ELMO1: variants seen among roughly 807,000 people sequenced by gnomAD.
ELMO1 encodes the protein engulfment and cell motility 1, also known as engulfment and cell motility protein 1.
A neutral mutation model predicts 98.9 loss-of-function variants in ELMO1; 26 were observed. The ratio of observed to expected loss-of-function variants is 0.26; its 90% CI spans 0.19 to 0.36. The LOEUF is 0.36. Ranked by LOEUF, ELMO1 falls within the 10% of genes least tolerant of loss-of-function variation. The pLI, the probability that ELMO1 is intolerant of heterozygous loss-of-function variation, is 1.00. For missense variants in ELMO1, 627 were observed against 935.2 expected (o/e 0.67, Z 4.30); for synonymous variants, 346 against 346.0 (o/e 1.00, Z 0.00).
intron 2 of ELMO1, among the ~76,000 whole-genome samples, chr7:37,317,213 C>T (rs1223683080): frequency 6.6e-6 from 1 of 152,164 alleles, no homozygotes; most frequent in East Asian, 1.9e-4. Flanking sequence ...TTTGTATAGT[C>T]CTCTCCAAGG....
chr7:36,984,653 A>T lies in ELMO1; in HGVS notation c.1437+28646T>A, dbSNP rs1791365520. ...CAACCAATAAGATTTCTCTTGTTTGACTATTTCATGTGCATTTCTTCATAA... is the reference window on the plus strand; with the variant it reads ...CAACCAATAAGATTTCTCTTGTTTGTCTATTTCATGTGCATTTCTTCATAA... On this transcript the variant is annotated intron_variant, in intron 16 of 21. Coordinates refer to ENST00000310758, the MANE Select transcript of ELMO1 (RefSeq NM_014800.11). 2.0e-5 allele frequency among the ~76,000 whole-genome samples: 3 copies of T among 152,328 alleles called. No homozygotes were observed. The East Asian group carries it at 5.8e-4, about 29-fold the overall frequency.
intron 16 of ELMO1, among the ~76,000 whole-genome samples, chr7:36,984,140 A>C (rs1791315504): frequency 6.6e-6 from 1 of 152,168 alleles, no homozygotes; most frequent in Admixed American, 6.5e-5. Flanking sequence ...CACTTAATGC[A>C]CATCCTCTAG....
At chr7:37,141,092 A>G (rs555320323) in intron 13 of ELMO1, among the ~76,000 whole-genome samples, 2 of 152,360 alleles carry the variant, frequency 1.3e-5, no homozygotes, top group Non-Finnish European at 2.9e-5. Flanking sequence ...ACATGTATAC[A>G]GCAGTACAAT....
At chr7:36,981,521 T>C (rs1394816525) in intron 16 of ELMO1, among the ~76,000 whole-genome samples, 1 of 152,184 alleles carries the variant, frequency 6.6e-6, no homozygotes, top group Non-Finnish European at 1.5e-5. Flanking sequence ...AATCACTCCT[T>C]AGCCTGAATT....
At chr7:37,007,242 G>A (rs1035537124) in intron 16 of ELMO1, among the ~76,000 whole-genome samples, 2 of 152,122 alleles carry the variant, frequency 1.3e-5, no homozygotes, top group Admixed American at 1.3e-4. Flanking sequence ...CTCAGTGTAG[G>A]ACATTAGGGC....
At chr7:37,282,689 A>G (rs758655379) in intron 4 of ELMO1, among the ~76,000 whole-genome samples, 1 of 152,264 alleles carries the variant, frequency 6.6e-6, no homozygotes, top group African/African-American at 2.4e-5. Flanking sequence ...AAAAGTGGTC[A>G]GCTGCTGTAA....
At chr7:36,901,515 T>A (rs1038274881) in intron 16 of ELMO1, among the ~76,000 whole-genome samples, 4 of 152,210 alleles carry the variant, frequency 2.6e-5, no homozygotes, top group African/African-American at 9.7e-5. Flanking sequence ...AATAAAACTT[T>A]ATTTACAAAA....
chr7:36,872,700 C>T (rs1051377824), intron 19 of ELMO1, among the ~76,000 whole-genome samples: 1 of 152,164 alleles, frequency 6.6e-6, no homozygotes, highest in Non-Finnish European at 1.5e-5. Context: ...CTAATCCCTA[C>T]CGTAGGAAGG....
chr7:37,210,225 T>C (rs574166898), intron 13 of ELMO1, among the ~76,000 whole-genome samples: 1 of 152,282 alleles, frequency 6.6e-6, no homozygotes, highest in African/African-American at 2.4e-5. Context: ...AATAATGTGA[T>C]CATGGGTGTG....
At position 37,115,065 on chromosome 7, in the gene ELMO1, C is replaced by G. The variant is rs139362741; in HGVS notation, c.1191+18065G>C. On this transcript the variant is annotated intron_variant, in intron 14 of 21. Transcript: ENST00000310758. ...ACCCACACAAGAAGAAATAGACAATCTGAAGAGACCTATATCTATTAAAGG... is the reference window on the plus strand; with the variant it reads ...ACCCACACAAGAAGAAATAGACAATGTGAAGAGACCTATATCTATTAAAGG... Among the ~76,000 whole-genome samples, 576 of 152,232 alleles carry G rather than the reference C, an allele frequency of 3.8e-3. 1 individual carries two copies. The highest frequency in any genetic ancestry group is 6.8e-3 in the Middle Eastern group (2 of 294).
chr7:37,097,509 G>A (rs1376748766), intron 14 of ELMO1, among the ~76,000 whole-genome samples: 4 of 152,110 alleles, frequency 2.6e-5, no homozygotes, highest in South Asian at 2.1e-4. Flanking sequence ...ACTTGAACCC[G>A]GGAAGCGGAG....
intron 5 of ELMO1, 125 bp downstream of exon 5, chr7:37,271,707 A>T: frequency 1.0e-6 from 1 of 971,320 alleles, no homozygotes; most frequent in Non-Finnish European, 1.6e-6. Flanking sequence ...TCTGCATGTC[A>T]GGACATTCTG....
intron 14 of ELMO1, among the ~76,000 whole-genome samples, chr7:37,109,462 A>G (rs1785118371): frequency 6.6e-6 from 1 of 152,126 alleles, no homozygotes. Flanking sequence ...ACAGCAAAAG[A>G]ATGTCCCCTT....
At chr7:37,243,179 C>A (rs954342178) in intron 7 of ELMO1, among the ~76,000 whole-genome samples, 2 of 152,166 alleles carry the variant, frequency 1.3e-5, no homozygotes, top group African/African-American at 4.8e-5. Flanking sequence ...AGCATATCTA[C>A]ATACCAAAAG....
intron 1 of ELMO1, among the ~76,000 whole-genome samples, chr7:37,434,198 C>T (rs962783018): frequency 4.6e-5 from 7 of 152,158 alleles, no homozygotes; most frequent in African/African-American, 1.7e-4. Flanking sequence ...CTGGTTGCCT[C>T]ATTAGGTGGT....
At chr7:37,151,613 C>T (rs910800161) in intron 13 of ELMO1, among the ~76,000 whole-genome samples, 13 of 152,206 alleles carry the variant, frequency 8.5e-5, no homozygotes, top group African/African-American at 2.2e-4. Context: ...GCTAAACAGA[C>T]GCATTCGGCC....
At chr7:37,072,429 T>C (rs1562982166) in intron 15 of ELMO1, among the ~76,000 whole-genome samples, 1 of 149,302 alleles carries the variant, frequency 6.7e-6, no homozygotes, top group Non-Finnish European at 1.5e-5. Context: ...GACTGCCATG[T>C]GGAACTGTAA....
rs185076572 is a variant in ELMO1, at chr7:36,863,535, C to T, written c.1906-1799G>A. On this transcript the variant is annotated intron_variant, in intron 20 of 21. Coordinates refer to ENST00000310758, the MANE Select transcript of ELMO1 (RefSeq NM_014800.11). ...GAAAAATTCAAAAGAAAGCAAAAGC[C>T]AAATATTATTATCTGAAAGAACATT... Among the ~76,000 whole-genome samples the T allele has an allele frequency of 1.8e-3, 278 of 152,196 alleles. 1 individual carries two copies. Among genetic ancestry groups the T allele is most frequent in the Middle Eastern group, 6.8e-3 (2 of 294 alleles).
intron 13 of ELMO1, among the ~76,000 whole-genome samples, chr7:37,206,663 T>C (rs527824786): frequency 1.3e-5 from 2 of 152,172 alleles, no homozygotes; most frequent in Non-Finnish European, 2.9e-5. Flanking sequence ...TCTTAAAAAT[T>C]TGAACATGAA....
Sources: gnomAD v4.1 joint callset for allele counts (sites outside exome capture counted in the v4.1 genomes callset) on GRCh38, gnomAD v4.1.1 for gene constraint, MANE v1.5 for transcripts, NCBI Gene and HGNC (gene_info 2026-07-23, HGNC 2026-07-21) for gene names.